RPGRIP1: variants seen among roughly 807,000 people sequenced by gnomAD.
The protein encoded by RPGRIP1 is X-linked retinitis pigmentosa GTPase regulator-interacting protein 1.
In RPGRIP1, 128 loss-of-function variants were observed where a neutral mutation model predicts 157.9. The ratio of observed to expected loss-of-function variants is 0.81; its 90% confidence interval spans 0.70 to 0.94. The LOEUF is 0.94. Ranked by LOEUF, RPGRIP1 falls within the 40% of genes least tolerant of loss-of-function variation. The pLI is 0.00. For synonymous variants in RPGRIP1, 554 were observed against 571.6 expected (o/e 0.97, Z 0.44); for missense variants, 1,486 against 1,545.8 (o/e 0.96, Z 0.65).
At position 21,280,150 on chromosome 14, in the gene RPGRIP1, A is replaced by C. The variant is rs1880073849; in HGVS notation, c.-48A>C. ...GAATTAGCGACAGCTATCTGGAGCA[A>C]GCAAGAACTGTAAGTTTCTATCTGA... On this transcript the variant is annotated 5_prime_UTR_variant, in exon 1 of 25. Coordinates refer to ENST00000400017, the MANE Select transcript of RPGRIP1 (RefSeq NM_020366.4). Among the ~76,000 whole-genome samples the C allele has an allele frequency of 6.6e-6, 1 of 152,180 alleles. No homozygotes were observed. Among genetic ancestry groups the C allele is most frequent in the Non-Finnish European group, 1.5e-5 (1 of 68,030 alleles).
intron 6 of RPGRIP1, 46 bp downstream of exon 6, chr14:21,303,589 A>T (rs774573029): frequency 2.8e-6 from 4 of 1,410,052 alleles, no homozygotes; most frequent in Non-Finnish European, 4.0e-6. Flanking sequence ...GAACTGAAAA[A>T]GCTAAGAGAT....
In RPGRIP1 at chr14:21,302,502, C is replaced by T. The variant is rs1881075996; in HGVS notation, c.505C>T (p.Leu169=). Residue 169 remains leucine, a synonymous_variant, in exon 5 of 25, where the codon CTG becomes TTG. Transcript: ENST00000400017. ...TAAACTTTTAGGGCCAAGGGACAGG[C>T]TGAGCTACACAGCCCCTCCATCGTT... ...EKPKRGPRDR[L]SYTAPPSFKE... 4 of 1,564,460 alleles carry T rather than the reference C, an allele frequency of 2.6e-6. No homozygotes were observed. The highest frequency in any genetic ancestry group is 3.5e-6 in the Non-Finnish European group (4 of 1,149,570).
intron 11 of RPGRIP1, chr14:21,318,347 G>A: frequency 3.2e-6 from 1 of 310,450 alleles, no homozygotes; most frequent in Non-Finnish European, 6.3e-6. Context: ...CCTGACCTCA[G>A]ATGATCCACC....
chr14:21,311,573 G>T (rs1483568671), intron 8 of RPGRIP1, among the ~76,000 whole-genome samples: 2 of 151,626 alleles, frequency 1.3e-5, no homozygotes, highest in Non-Finnish European at 2.9e-5. Flanking sequence ...ATAAATACAA[G>T]AAAAGAAAAT....
intron 21 of RPGRIP1, 61 bp from the exon 22 acceptor site, chr14:21,342,975 G>A (rs1326581231): frequency 1.6e-5 from 19 of 1,203,788 alleles, no homozygotes; most frequent in Non-Finnish European, 2.1e-5. Context: ...TAATTGGATG[G>A]CGTATAAGCA....
rs773026720 is a variant in RPGRIP1 at position 21,301,286 on chromosome 14, C to G, written c.490+49C>G. ...TACAGGGCTAAGACACTGGGAAGGACTGATGTGCCAGCCACGTTTTCCTCA... is the reference window on the plus strand; with the variant it reads ...TACAGGGCTAAGACACTGGGAAGGAGTGATGTGCCAGCCACGTTTTCCTCA... On this transcript the variant is annotated intron_variant, in intron 4 of 24. Coordinates refer to ENST00000400017, the MANE Select transcript of RPGRIP1 (RefSeq NM_020366.4). 22 of 1,531,902 alleles carry G rather than the reference C, an allele frequency of 1.4e-5. No individual in the cohort carries two copies. In the East Asian group the frequency reaches 5.2e-4, roughly 36 times the overall value. 94.9% of individuals were successfully genotyped at this position (1,531,902 alleles called of 1,614,324 possible).
chr14:21,317,589 G>A, intron 10 of RPGRIP1, 107 bp from the exon 11 acceptor site: 1 of 1,543,822 alleles, frequency 6.5e-7, no homozygotes, highest in Non-Finnish European at 8.7e-7. Context: ...AAAACATGTA[G>A]GGGAGAGAAT....
intron 2 of RPGRIP1, among the ~76,000 whole-genome samples, chr14:21,289,306 C>T (rs373996916): frequency 9.2e-5 from 14 of 151,828 alleles, no homozygotes; most frequent in African/African-American, 3.1e-4. Flanking sequence ...CCAGCCTAGG[C>T]GACAGAGCGA....
intron 11 of RPGRIP1, among the ~76,000 whole-genome samples, chr14:21,319,620 G>T (rs1282660557): frequency 6.6e-6 from 1 of 152,070 alleles, no homozygotes; most frequent in Admixed American, 6.6e-5. Context: ...TCCAGGCCAG[G>T]GTGGGTGTGA....
chr14:21,320,410 C>A (rs534864575), intron 12 of RPGRIP1, among the ~76,000 whole-genome samples: 2 of 151,716 alleles, frequency 1.3e-5, no homozygotes, highest in African/African-American at 4.8e-5. Flanking sequence ...CCTGCCTCAG[C>A]CTTCCGAGTA....
At chr14:21,329,406 G>A (rs1566349830) in intron 19 of RPGRIP1, among the ~76,000 whole-genome samples, 1 of 151,760 alleles carries the variant, frequency 6.6e-6, no homozygotes, top group Admixed American at 6.6e-5. Flanking sequence ...ACAAACCCCT[G>A]GACTGTTCAT....
chr14:21,337,331 G>A (rs1566359065), intron 21 of RPGRIP1, among the ~76,000 whole-genome samples: 1 of 151,896 alleles, frequency 6.6e-6, no homozygotes, highest in African/African-American at 2.4e-5. Flanking sequence ...TAAAATAAGG[G>A]TTTAATACAG....
In RPGRIP1 at chr14:21,311,855, C is replaced by T; in HGVS notation, c.962C>T (p.Ala321Val). ...NQGILSAAHE[A>V]LLKQVNELRA... ...GGAATCCTGAGTGCAGCCCATGAGGCCCTCCTCAAGCAAGTGAATGAGCTC... is the reference window on the plus strand; with the variant it reads ...GGAATCCTGAGTGCAGCCCATGAGGTCCTCCTCAAGCAAGTGAATGAGCTC... The change falls in exon 9 of 25, where the codon GCC becomes GTC. Residue 321 changes from alanine to valine, a missense_variant. Physicochemically the swap from Ala to Val is moderately conservative, Grantham distance 64 (BLOSUM62 0). Coordinates refer to ENST00000400017, the MANE Select transcript of RPGRIP1 (RefSeq NM_020366.4). 1 of 1,609,930 alleles carries T rather than the reference C, an allele frequency of 6.2e-7. No homozygotes were observed. The highest frequency in any genetic ancestry group is 8.5e-7 in the Non-Finnish European group (1 of 1,178,386).
chr14:21,307,956 A>T, intron 7 of RPGRIP1, 120 bp downstream of exon 7: 1 of 624,184 alleles, frequency 1.6e-6, no homozygotes, highest in Non-Finnish European at 2.8e-6. Flanking sequence ...TTTATAAGTG[A>T]TATCACACAA....
chr14:21,336,300 T>C (rs1424158795), intron 21 of RPGRIP1, among the ~76,000 whole-genome samples: 2 of 152,164 alleles, frequency 1.3e-5, no homozygotes, highest in Non-Finnish European at 2.9e-5. Flanking sequence ...TTTGGGAAAC[T>C]GAGGCAGGCA....
intron 2 of RPGRIP1, among the ~76,000 whole-genome samples, chr14:21,292,380 A>T (rs1880569002): frequency 6.6e-6 from 1 of 151,858 alleles, no homozygotes; most frequent in Non-Finnish European, 1.5e-5. Context: ...AAAAATTTTG[A>T]TGTCACAAAT....
At chr14:21,281,475 G>A (rs1414833029) in intron 1 of RPGRIP1, among the ~76,000 whole-genome samples, 1 of 151,792 alleles carries the variant, frequency 6.6e-6, no homozygotes, top group Non-Finnish European at 1.5e-5. Flanking sequence ...GATCACTTGA[G>A]ATCAGGAGTT....
intron 22 of RPGRIP1, among the ~76,000 whole-genome samples, 159 bp from the exon 23 acceptor site, chr14:21,344,953 CA>C (rs946356331): frequency 6.6e-6 from 1 of 152,090 alleles, no homozygotes; most frequent in Admixed American, 6.6e-5. Flanking sequence ...CACACACACA[CA>C]CAAATGATTT....
intron 10 of RPGRIP1, among the ~76,000 whole-genome samples, chr14:21,314,725 A>G (rs1881696853): frequency 6.6e-6 from 1 of 150,944 alleles, no homozygotes; most frequent in African/African-American, 2.4e-5. Context: ...AAAAAAAAAA[A>G]AAAAATAGCC....
Sources: gnomAD v4.1 joint callset for allele counts (sites outside exome capture counted in the v4.1 genomes callset) on GRCh38, gnomAD v4.1.1 for gene constraint, MANE v1.5 for transcripts, NCBI Gene and HGNC (gene_info 2026-07-23, HGNC 2026-07-21) for gene names.